The following DENND5B variants were observed in gnomAD, a reference collection of about 807,000 sequenced individuals.
DENND5B encodes DENN domain-containing protein 5B.
DENND5B carries 34 observed loss-of-function variants against 140.6 expected under a neutral mutation model. The observed-to-expected ratio is 0.24, with a 90% CI of 0.18 to 0.32. The LOEUF (loss-of-function observed/expected upper bound fraction) is 0.32, where lower values mean the gene tolerates loss of function less well. Ranked by LOEUF, DENND5B falls within the 10% of genes least tolerant of loss-of-function variation. The pLI, the probability that DENND5B is intolerant of heterozygous loss-of-function variation, is 1.00. For synonymous variants in DENND5B, 551 were observed against 562.1 expected (o/e 0.98, Z 0.28); for missense variants, 1,142 against 1,560.2 (o/e 0.73, Z 4.52).
chr12:31,569,060 CTTTTTTTT>C (rs1234009016), intron 1 of DENND5B, among the ~76,000 whole-genome samples: 3 of 93,150 alleles, frequency 3.2e-5, no homozygotes, highest in South Asian at 7.0e-4. Flanking sequence ...AGCAACATAC[CTTTTTTTT>C]TTTTTTTTTT....
chr12:31,574,267 A>AAAAAAAAAT (rs141072772), intron 1 of DENND5B, among the ~76,000 whole-genome samples: 100 of 89,720 alleles, frequency 1.1e-3, no homozygotes, highest in Middle Eastern at 6.8e-3. Context: ...TGTCTCTAAA[A>AAAAAAAAAT]AATAATAATA....
At chr12:31,396,882 A>G (rs937204053) in intron 17 of DENND5B, among the ~76,000 whole-genome samples, 8 of 152,126 alleles carry the variant, frequency 5.3e-5, no homozygotes, top group Non-Finnish European at 1.0e-4. Flanking sequence ...TCGGCCTCCC[A>G]AAGTGTTGGG....
At chr12:31,444,392 C>T (rs968829669) in intron 6 of DENND5B, among the ~76,000 whole-genome samples, 1 of 151,976 alleles carries the variant, frequency 6.6e-6, no homozygotes, top group Admixed American at 6.6e-5. Flanking sequence ...TACAGGCACC[C>T]GCCACCATGC....
intron 13 of DENND5B, among the ~76,000 whole-genome samples, chr12:31,411,040 CTT>C (rs59646978): frequency 0.19 from 26,262 of 140,028 alleles, 2,479 homozygotes; most frequent in Non-Finnish European, 0.25. Context: ...GCATAAATCA[CTT>C]TTTTTTTTTT....
intron 11 of DENND5B, among the ~76,000 whole-genome samples, chr12:31,418,428 G>A (rs1402587403): frequency 6.6e-6 from 1 of 151,478 alleles, no homozygotes; most frequent in East Asian, 1.9e-4. Flanking sequence ...ACAGGTGCAT[G>A]CCACCACACC....
chr12:31,449,076 CTGGAAGTAAATT>C (rs1284943759), intron 5 of DENND5B, among the ~76,000 whole-genome samples: 3 of 152,032 alleles, frequency 2.0e-5, no homozygotes, highest in African/African-American at 7.2e-5. Flanking sequence ...GTACTAAAAT[CTGGAAGTAAATT>C]TGGAAGTAAA....
intron 1 of DENND5B, among the ~76,000 whole-genome samples, chr12:31,557,428 G>A (rs1310774821): frequency 1.3e-5 from 2 of 151,590 alleles, no homozygotes; most frequent in African/African-American, 4.8e-5. Flanking sequence ...ACCCAGGCTG[G>A]AGTGCAGTGG....
intron 3 of DENND5B, among the ~76,000 whole-genome samples, chr12:31,475,882 G>A (rs1945783742): frequency 6.6e-6 from 1 of 152,180 alleles, no homozygotes; most frequent in Admixed American, 6.5e-5. Flanking sequence ...CCAGCACTTT[G>A]GGAGGCCAAG....
intron 2 of DENND5B, 130 bp from the exon 3 acceptor site, chr12:31,480,385 G>C: frequency 1.2e-6 from 1 of 819,924 alleles, no homozygotes; most frequent in South Asian, 2.4e-5. Flanking sequence ...ATTCGCAATA[G>C]CCTTAAATTA....
intron 2 of DENND5B, among the ~76,000 whole-genome samples, chr12:31,483,104 T>A (rs1347147993): frequency 6.6e-6 from 1 of 152,236 alleles, no homozygotes; most frequent in African/African-American, 2.4e-5. Flanking sequence ...CCCCTTGGTA[T>A]CCACATGACT....
At position 31,460,197 on chromosome 12, in the gene DENND5B, T is replaced by C. The variant is rs751477765; in HGVS notation, c.1089A>G (p.Gln363=). The change falls in exon 4 of 21, where the codon CAA becomes CAG. Residue 363 remains glutamine (Q), a synonymous_variant. Transcript: ENST00000389082. ...GTDRSKLELP[Q]EANLCFVDID... is the part of the protein sequence containing the mutation. ...TCATCATTCATTGTAGTTTTACCTCTTGAGGAAGTTCTAGTTTAGAACGGT... is the reference window on the plus strand; with the variant it reads ...TCATCATTCATTGTAGTTTTACCTCCTGAGGAAGTTCTAGTTTAGAACGGT... The C allele has an allele frequency of 6.2e-7, 1 of 1,610,448 alleles. No individual in the cohort carries two copies. The highest frequency in any genetic ancestry group is 1.1e-5 in the South Asian group (1 of 90,558).
chr12:31,534,673 G>A, intron 1 of DENND5B: 1 of 252,056 alleles, frequency 4.0e-6, no homozygotes, highest in Non-Finnish European at 8.3e-6. Context: ...TTGCACGAAG[G>A]AGCCACTGGT....
intron 1 of DENND5B, among the ~76,000 whole-genome samples, chr12:31,567,037 C>T (rs1949657381): frequency 1.3e-5 from 2 of 152,206 alleles, no homozygotes; most frequent in Admixed American, 1.3e-4. Context: ...AAAGAACACA[C>T]AGTTTACTAT....
At chr12:31,571,725 C>T (rs2139402340) in intron 1 of DENND5B, among the ~76,000 whole-genome samples, 1 of 152,218 alleles carries the variant, frequency 6.6e-6, no homozygotes, top group Admixed American at 6.5e-5. Flanking sequence ...TCAAGCGATT[C>T]TCCTGCCTCA....
intron 8 of DENND5B, among the ~76,000 whole-genome samples, chr12:31,427,143 G>C (rs952367618): frequency 1.3e-5 from 2 of 152,110 alleles, no homozygotes; most frequent in African/African-American, 4.8e-5. Flanking sequence ...CTATAATCAA[G>C]AGAAAGTGAA....
At chr12:31,480,595 G>C (rs1946030807) in intron 2 of DENND5B, among the ~76,000 whole-genome samples, 1 of 152,182 alleles carries the variant, frequency 6.6e-6, no homozygotes, top group African/African-American at 2.4e-5. Context: ...GTGAGCCTCA[G>C]TTCCTTTATC....
chr12:31,571,572 A>T (rs1355975420), intron 1 of DENND5B, among the ~76,000 whole-genome samples: 1 of 151,886 alleles, frequency 6.6e-6, no homozygotes, highest in Non-Finnish European at 1.5e-5. Context: ...ACTCCATTTT[A>T]TCCATTCACT....
intron 1 of DENND5B, among the ~76,000 whole-genome samples, chr12:31,539,121 A>C (rs1273463938): frequency 6.6e-6 from 1 of 152,144 alleles, no homozygotes; most frequent in Non-Finnish European, 1.5e-5. Flanking sequence ...TATGCCAATA[A>C]ATGAGAAAAT....
At chr12:31,512,721 TTTGCA>T (rs1947477588) in intron 1 of DENND5B, among the ~76,000 whole-genome samples, 1 of 152,174 alleles carries the variant, frequency 6.6e-6, no homozygotes, top group African/African-American at 2.4e-5. Context: ...TTTCTTCAGC[TTTGCA>T]TTGGTCAAAC....
Sources: gnomAD v4.1 joint callset for allele counts (sites outside exome capture counted in the v4.1 genomes callset) on GRCh38, gnomAD v4.1.1 for gene constraint, MANE v1.5 for transcripts, NCBI Gene and HGNC (gene_info 2026-07-23, HGNC 2026-07-21) for gene names.